The following CSMD1 variants were observed in gnomAD, a reference collection of about 807,000 sequenced individuals.
The protein encoded by CSMD1 is CUB and Sushi multiple domains 1.
CSMD1 carries 213 observed loss-of-function variants against 417.5 expected under a neutral mutation model. The observed-to-expected ratio is 0.51, with a 90% confidence interval of 0.46 to 0.57. CSMD1 has a LOEUF of 0.57. Among genes scored for constraint, CSMD1 ranks in the 20% least tolerant of loss-of-function variants. The pLI, the probability that CSMD1 is intolerant of heterozygous loss-of-function variation, is 0.00. For missense variants in CSMD1, 6,923 were observed against 4,529.7 expected, an observed-to-expected ratio of 1.53 and a Z score of -15.17; for synonymous variants, 2,862 against 1,736.8, an observed-to-expected ratio of 1.65 and a Z score of -16.11.
chr8:4,573,052 T>A (rs1283232767), intron 2 of CSMD1, among the ~76,000 whole-genome samples: 1 of 152,180 alleles, frequency 6.6e-6, no homozygotes, highest in East Asian at 1.9e-4. Flanking sequence ...TTCCTTGTAT[T>A]GGGTTAGAAA....
At chr8:4,617,526 C>G in intron 2 of CSMD1, among the ~76,000 whole-genome samples, 1 of 152,120 alleles carries the variant, frequency 6.6e-6, no homozygotes. Context: ...TATGAGGTTT[C>G]TGTCTGGATT....
At chr8:4,353,281 T>C (rs749277561) in intron 3 of CSMD1, among the ~76,000 whole-genome samples, 4 of 152,098 alleles carry the variant, frequency 2.6e-5, no homozygotes, top group Non-Finnish European at 5.9e-5. Context: ...CTGATGGTTT[T>C]ATAAAGGGGA....
chr8:3,673,046 G>T (rs1226183813), intron 7 of CSMD1, among the ~76,000 whole-genome samples: 2 of 152,174 alleles, frequency 1.3e-5, no homozygotes, highest in African/African-American at 2.4e-5. Flanking sequence ...TAGAAAGTGA[G>T]CATTTAGCGG....
At chr8:3,526,214 T>C (rs76092273) in intron 10 of CSMD1, among the ~76,000 whole-genome samples, 1 of 152,152 alleles carries the variant, frequency 6.6e-6, no homozygotes, top group Non-Finnish European at 1.5e-5. Context: ...TAAGACTACA[T>C]CGTTTTTCCT....
intron 11 of CSMD1, among the ~76,000 whole-genome samples, chr8:3,475,475 C>T (rs1353106757): frequency 1.3e-5 from 2 of 152,192 alleles, no homozygotes; most frequent in East Asian, 1.9e-4. Context: ...TGTTAGGCAG[C>T]ATACCAAGGG....
chr8:3,355,205 A>G (rs899154748), intron 21 of CSMD1, among the ~76,000 whole-genome samples: 1 of 152,208 alleles, frequency 6.6e-6, no homozygotes. Flanking sequence ...TTTTTAAAAA[A>G]ATCTCTTACT....
chr8:4,977,972 G>A (rs1810662537), intron 1 of CSMD1, among the ~76,000 whole-genome samples: 1 of 152,192 alleles, frequency 6.6e-6, no homozygotes, highest in South Asian at 2.1e-4. Flanking sequence ...CACAGGTGCT[G>A]TATTTACGAG....
chr8:3,703,796 C>T (rs1207436963), intron 7 of CSMD1, among the ~76,000 whole-genome samples: 4 of 151,998 alleles, frequency 2.6e-5, no homozygotes, highest in African/African-American at 4.8e-5. Context: ...CTCAGCTGGG[C>T]ATGGTGGCTC....
chr8:3,878,874 CTTAA>C (rs1806012187), intron 5 of CSMD1, among the ~76,000 whole-genome samples: 1 of 152,120 alleles, frequency 6.6e-6, no homozygotes, highest in Non-Finnish European at 1.5e-5. Context: ...ACTGACTGAG[CTTAA>C]TTATTCACCA....
Position 3,314,022 on chromosome 8 carries a change from A to C in CSMD1, c.3632-5519T>G, listed in dbSNP as rs1194233221. Among the ~76,000 whole-genome samples the C allele has an allele frequency of 5.3e-5, 8 of 152,252 alleles. No homozygotes were observed. In the East Asian group the frequency reaches 1.5e-3, roughly 29 times the overall value. On this transcript the variant is annotated intron_variant, in intron 23 of 69. Transcript: ENST00000635120. Reference sequence around the variant, plus strand: ...ATTCTCAGCAAACTATCACAAGGACAAAAAACCAAACACCTCATGTTCTCA... The same window carrying C: ...ATTCTCAGCAAACTATCACAAGGACCAAAAACCAAACACCTCATGTTCTCA...
intron 1 of CSMD1, among the ~76,000 whole-genome samples, chr8:4,723,743 G>C (rs904325360): frequency 8.2e-5 from 12 of 146,446 alleles, no homozygotes; most frequent in African/African-American, 3.0e-4. Context: ...ATTTTCATAT[G>C]TGCTGTAAGA....
chr8:3,408,741 T>C (rs1334555235), intron 13 of CSMD1, among the ~76,000 whole-genome samples: 3 of 152,086 alleles, frequency 2.0e-5, no homozygotes, highest in East Asian at 1.9e-4. Context: ...TCTAGTTGGA[T>C]AATATAAAGT....
At chr8:3,168,558 TAGAC>T (rs1305500930) in intron 37 of CSMD1, among the ~76,000 whole-genome samples, 1 of 152,068 alleles carries the variant, frequency 6.6e-6, no homozygotes, top group Non-Finnish European at 1.5e-5. Flanking sequence ...GCCATGATTA[TAGAC>T]AGCTATAAAT....
intron 2 of CSMD1, among the ~76,000 whole-genome samples, chr8:4,474,336 T>G (rs1358395203): frequency 6.6e-6 from 1 of 152,176 alleles, no homozygotes; most frequent in African/African-American, 2.4e-5. Context: ...TCAGACATTA[T>G]AAGGAAGATT....
At chr8:3,463,319 TGTCATAGACTTAAGTCAA>T (rs1312291043) in intron 12 of CSMD1, among the ~76,000 whole-genome samples, 1 of 152,128 alleles carries the variant, frequency 6.6e-6, no homozygotes, top group Non-Finnish European at 1.5e-5. Context: ...AAGGATAATT[TGTCATAGACTTAAGTCAA>T]GCCCTTGGAA....
intron 2 of CSMD1, among the ~76,000 whole-genome samples, chr8:4,632,844 G>A (rs137984696): frequency 6.6e-5 from 10 of 152,286 alleles, no homozygotes; most frequent in South Asian, 2.1e-4. Context: ...TATTCAGACC[G>A]GTAGAGGGAG....
chr8:3,520,039 T>TATATATACATAC (rs545212684), intron 10 of CSMD1, among the ~76,000 whole-genome samples: 1 of 147,110 alleles, frequency 6.8e-6, no homozygotes, highest in Admixed American at 6.8e-5. Flanking sequence ...TATATATATA[T>TATATATACATAC]ACACGTATAG....
chr8:3,899,918 G>A lies in CSMD1; in HGVS notation c.818+97985C>T, dbSNP rs190004299. Reference sequence around the variant, plus strand: ...AACTTGCTTAAAACATGTCTTTAATGTGTAAAATATTTATAACTTAATTCC... The same window carrying A: ...AACTTGCTTAAAACATGTCTTTAATATGTAAAATATTTATAACTTAATTCC... On this transcript the variant is annotated intron_variant, in intron 5 of 69. Transcript: ENST00000635120. Among the ~76,000 whole-genome samples the A allele has an allele frequency of 6.6e-5, 10 of 152,340 alleles. No homozygotes were observed. The East Asian group carries it at 1.5e-3, about 24-fold the overall frequency.
intron 5 of CSMD1, among the ~76,000 whole-genome samples, chr8:3,989,392 G>C (rs949390375): frequency 1.3e-5 from 2 of 152,264 alleles, no homozygotes; most frequent in East Asian, 1.9e-4. Flanking sequence ...ATGAAAAAAC[G>C]ACAGAGGACA....
Sources: gnomAD v4.1 joint callset for allele counts (sites outside exome capture counted in the v4.1 genomes callset) on GRCh38, gnomAD v4.1.1 for gene constraint, MANE v1.5 for transcripts, NCBI Gene and HGNC (gene_info 2026-07-23, HGNC 2026-07-21) for gene names.